The following APBA2 variants were observed in gnomAD, a reference collection of about 807,000 sequenced individuals.
APBA2 encodes amyloid-beta A4 precursor protein-binding family A member 2.
A neutral mutation model predicts 75.0 loss-of-function variants in APBA2; 30 were observed. The ratio of observed to expected loss-of-function variants is 0.40; its 90% CI spans 0.30 to 0.54. The LOEUF is 0.54. Among genes scored for constraint, APBA2 ranks in the 20% least tolerant of loss-of-function variants. The pLI is 0.49. For missense variants in APBA2, 801 were observed against 1,016.1 expected, an observed-to-expected ratio of 0.79 and a Z score of 2.88; for synonymous variants, 444 against 409.6, an observed-to-expected ratio of 1.08 and a Z score of -1.01.
At chr15:28,906,456 T>C (rs771762481) in intron 1 of APBA2, among the ~76,000 whole-genome samples, 4 of 152,246 alleles carry the variant, frequency 2.6e-5, no homozygotes, top group African/African-American at 9.6e-5. Context: ...TGGAGTCTCG[T>C]ACATTAAACT....
At chr15:29,009,617 T>C (rs763754145) in intron 3 of APBA2, among the ~76,000 whole-genome samples, 3 of 151,546 alleles carry the variant, frequency 2.0e-5, no homozygotes, top group Non-Finnish European at 2.9e-5. Flanking sequence ...ATCAGAATCC[T>C]AGCACCAAAT....
intron 1 of APBA2, among the ~76,000 whole-genome samples, chr15:28,888,487 C>G (rs2152599135): frequency 6.6e-6 from 1 of 152,292 alleles, no homozygotes; most frequent in East Asian, 1.9e-4. Flanking sequence ...GAGGCCTCAG[C>G]TCCTCTCCGG....
At position 29,090,174 on chromosome 15, in the gene APBA2, CA is replaced by C. The variant is rs2043491755; in HGVS notation, c.1070-2900del. On this transcript the variant is annotated intron_variant, in intron 6 of 14. Coordinates refer to ENST00000683413, the MANE Select transcript of APBA2 (RefSeq NM_001353788.2). ...TCGCTGAACAAAAGAGCAAGGCAGG[CA>C]TGGAAGGCCCCCAGGCAGAGGTGGG... Among the ~76,000 whole-genome samples, 4 of 152,356 alleles carry C rather than the reference CA, an allele frequency of 2.6e-5. No homozygotes were observed. In the South Asian group the frequency reaches 8.3e-4, roughly 32 times the overall value.
intron 2 of APBA2, among the ~76,000 whole-genome samples, chr15:28,942,963 G>A (rs1018555788): frequency 2.0e-5 from 3 of 152,248 alleles, no homozygotes; most frequent in African/African-American, 4.8e-5. Flanking sequence ...GCTTCTGCCA[G>A]ACTGTCTGGG....
Position 29,046,944 on chromosome 15 carries a change from T to C in APBA2, c.-40-6901T>C, listed in dbSNP as rs1286577283. Reference sequence around the variant, plus strand: ...CATCAGGCATCTCTCCTGGACCATTTCATTGACATTTTCCTTAACTCCCTT... The same window carrying C: ...CATCAGGCATCTCTCCTGGACCATTCCATTGACATTTTCCTTAACTCCCTT... On this transcript the variant is annotated intron_variant, in intron 3 of 14. Coordinates refer to ENST00000683413, the MANE Select transcript of APBA2 (RefSeq NM_001353788.2). The surrounding 1 kb of genome is among the most constrained non-coding windows in gnomAD (Gnocchi z 5.0). 1.3e-5 allele frequency among the ~76,000 whole-genome samples: 2 copies of C among 152,242 alleles called. No homozygotes were observed. Among genetic ancestry groups the C allele is most frequent in the Admixed American group, 6.5e-5 (1 of 15,290 alleles).
chr15:28,895,837 G>T (rs147572284), intron 1 of APBA2, among the ~76,000 whole-genome samples: 3,241 of 152,246 alleles, frequency 0.021, 114 homozygotes, highest in African/African-American at 0.074. Flanking sequence ...TGAAGGCTGG[G>T]CATGGTGGTT....
chr15:28,970,073 G>A (rs1005460466), intron 2 of APBA2: 1 of 152,100 alleles, frequency 6.6e-6, no homozygotes, highest in African/African-American at 2.4e-5. Context: ...TTATGTACCA[G>A]GATAATGTTA....
intron 3 of APBA2, among the ~76,000 whole-genome samples, chr15:29,001,366 A>G (rs2038834844): frequency 6.6e-6 from 1 of 152,154 alleles, no homozygotes; most frequent in Non-Finnish European, 1.5e-5. Flanking sequence ...GAGTGCCACC[A>G]TGCCCAGCTA....
chr15:28,999,217 A>C (rs1290631776), intron 3 of APBA2, among the ~76,000 whole-genome samples: 1 of 152,072 alleles, frequency 6.6e-6, no homozygotes. Context: ...GATTTTTTCT[A>C]TCTGCTCTTG....
At chr15:28,943,198 C>T (rs575049401) in intron 2 of APBA2, among the ~76,000 whole-genome samples, 26 of 152,296 alleles carry the variant, frequency 1.7e-4, no homozygotes, top group African/African-American at 4.3e-4. Context: ...GCCTCAACAG[C>T]GTGAACATAC....
At chr15:28,968,611 A>G (rs1180825358) in intron 2 of APBA2, among the ~76,000 whole-genome samples, 1 of 152,208 alleles carries the variant, frequency 6.6e-6, no homozygotes, top group African/African-American at 2.4e-5. Context: ...GTGAGCAGGC[A>G]GCTGTTGATG....
intron 3 of APBA2, among the ~76,000 whole-genome samples, chr15:29,025,574 G>A (rs926562047): frequency 2.0e-5 from 3 of 152,080 alleles, no homozygotes; most frequent in Admixed American, 1.3e-4. Flanking sequence ...GCCTGGCCAA[G>A]ACTTGGGATT....
At chr15:28,935,217 C>T (rs544560636) in intron 2 of APBA2, among the ~76,000 whole-genome samples, 1 of 152,318 alleles carries the variant, frequency 6.6e-6, no homozygotes, top group East Asian at 1.9e-4. Context: ...GAGCCCTGCA[C>T]GGTGGCCCGG....
chr15:29,033,964 CAAAAA>C (rs34808408), intron 3 of APBA2, among the ~76,000 whole-genome samples: 14 of 39,556 alleles, frequency 3.5e-4, no homozygotes, highest in African/African-American at 1.0e-3. Flanking sequence ...GACTCCATCT[CAAAAA>C]AAAAAAAAAA....
At chr15:28,914,395 G>T (rs1351969391) in intron 1 of APBA2, among the ~76,000 whole-genome samples, 2 of 152,216 alleles carry the variant, frequency 1.3e-5, no homozygotes, top group Non-Finnish European at 2.9e-5. Flanking sequence ...ATCTATGAAG[G>T]ATTCAGAATT....
intron 3 of APBA2, among the ~76,000 whole-genome samples, chr15:29,031,530 C>T (rs1223164943): frequency 4.6e-5 from 7 of 151,942 alleles, no homozygotes; most frequent in Admixed American, 2.6e-4. Context: ...AGTGCAGTGG[C>T]GCAATCTTGG....
rs936338512 is a variant in APBA2 at position 28,897,666 on chromosome 15, C to T, written c.-205+11388C>T. Among the ~76,000 whole-genome samples, 17 of 149,040 alleles carry T rather than the reference C, an allele frequency of 1.1e-4. No homozygotes were observed. The East Asian group carries it at 2.2e-3, about 19-fold the overall frequency. On this transcript the variant is annotated intron_variant, in intron 1 of 14. Transcript: ENST00000683413. The stretch of plus-strand genomic sequence containing the variant: ...AAAAAGAGCAGAAAATAGCAGGTGT[C>T]GGTGAGGATGTGGAACAAATGGACC...
rs1270170749 is a variant in APBA2 at position 29,117,179 on chromosome 15, C to T, written c.*46C>T. 1 of 1,592,212 alleles carries T rather than the reference C, an allele frequency of 6.3e-7. No individual in the cohort carries two copies. The highest frequency in any genetic ancestry group is 1.1e-5 in the South Asian group (1 of 90,678). The stretch of plus-strand genomic sequence containing the variant: ...CAGCCAGGACACCGGGCAGGGCCGC[C>T]CGGGCCCAGAGGAGCTGGGAGCCGG... On this transcript the variant is annotated 3_prime_UTR_variant, in exon 15 of 15. Transcript: ENST00000683413.
At chr15:28,982,448 C>G (rs557590158) in intron 2 of APBA2, among the ~76,000 whole-genome samples, 1 of 152,292 alleles carries the variant, frequency 6.6e-6, no homozygotes, top group African/African-American at 2.4e-5. Flanking sequence ...TCCAGAATAC[C>G]TGGTTGCAGG....
Sources: allele counts gnomAD v4.1 joint callset (sites outside exome capture counted in the v4.1 genomes callset), GRCh38; gene constraint gnomAD v4.1.1; non-coding constraint Gnocchi (gnomAD v3.1); transcripts MANE v1.5; gene names NCBI Gene and HGNC (gene_info 2026-07-23, HGNC 2026-07-21).